ASIC2: variants seen among roughly 807,000 people sequenced by gnomAD.
The protein encoded by ASIC2 is acid-sensing ion channel 2.
ASIC2 carries 25 observed loss-of-function variants against 57.3 expected under a neutral mutation model. The ratio of observed to expected loss-of-function variants is 0.44; its 90% confidence interval spans 0.32 to 0.61. The LOEUF (loss-of-function observed/expected upper bound fraction) is 0.61. Among genes scored for constraint, ASIC2 ranks in the 20% least tolerant of loss-of-function variants. The pLI is 0.06. For missense variants in ASIC2, 641 were observed against 738.1 expected (o/e 0.87, Z 1.52); for synonymous variants, 319 against 307.5 (o/e 1.04, Z -0.39).
chr17:33,923,983 C>T (rs1426703501), intron 1 of ASIC2, among the ~76,000 whole-genome samples: 1 of 152,222 alleles, frequency 6.6e-6, no homozygotes. Context: ...GTTCAGATCT[C>T]AGCTTCACTG....
intron 1 of ASIC2, among the ~76,000 whole-genome samples, chr17:33,405,487 C>CTT (rs35049672): frequency 0.11 from 14,470 of 135,242 alleles, 934 homozygotes; most frequent in Non-Finnish European, 0.13. Context: ...TTTTTTCTTT[C>CTT]TTTTTTTTTT....
intron 1 of ASIC2, among the ~76,000 whole-genome samples, chr17:34,093,324 T>C (rs1166553708): frequency 1.3e-5 from 2 of 152,208 alleles, no homozygotes; most frequent in Non-Finnish European, 2.9e-5. Context: ...CAGTCTCTTG[T>C]TTCCCTGAAC....
intron 3 of ASIC2, among the ~76,000 whole-genome samples, chr17:33,057,701 G>A (rs1264529112): frequency 6.6e-6 from 1 of 152,218 alleles, no homozygotes; most frequent in Non-Finnish European, 1.5e-5. Context: ...GAAACCCCGT[G>A]GAATGGTTCT....
chr17:33,321,358 A>G (rs1346248230), intron 1 of ASIC2, among the ~76,000 whole-genome samples: 2 of 152,208 alleles, frequency 1.3e-5, no homozygotes, highest in Admixed American at 6.5e-5. Context: ...AAGTTCACCC[A>G]TTCATTTTTA....
At chr17:33,076,578 C>T (rs1400620496) in intron 3 of ASIC2, among the ~76,000 whole-genome samples, 2 of 152,212 alleles carry the variant, frequency 1.3e-5, no homozygotes, top group Admixed American at 1.3e-4. Context: ...ATGGTAGGCA[C>T]CACTCTAGAC....
At chr17:33,275,152 C>G (rs919974889) in intron 1 of ASIC2, among the ~76,000 whole-genome samples, 2 of 152,122 alleles carry the variant, frequency 1.3e-5, no homozygotes, top group Non-Finnish European at 2.9e-5. Context: ...TATTAGCAAG[C>G]CTGTCCCTGC....
intron 1 of ASIC2, among the ~76,000 whole-genome samples, chr17:34,149,508 A>C (rs1017490563): frequency 6.6e-6 from 1 of 152,196 alleles, no homozygotes; most frequent in Admixed American, 6.5e-5. Context: ...TATATCAACT[A>C]GACTTACTTA....
chr17:34,057,977 C>G (rs1361699407), intron 1 of ASIC2, among the ~76,000 whole-genome samples: 2 of 152,150 alleles, frequency 1.3e-5, no homozygotes, highest in African/African-American at 4.8e-5. Flanking sequence ...CATTTTGACA[C>G]CTACACCCAT....
chr17:33,232,066 T>C (rs1005207161), intron 1 of ASIC2, among the ~76,000 whole-genome samples: 1 of 152,226 alleles, frequency 6.6e-6, no homozygotes, highest in Admixed American at 6.5e-5. Flanking sequence ...CTCTTCCCCT[T>C]CAATTCATAT....
chr17:33,346,157 G>A (rs1350388861), intron 1 of ASIC2, among the ~76,000 whole-genome samples: 1 of 146,612 alleles, frequency 6.8e-6, no homozygotes, highest in Non-Finnish European at 1.5e-5. Context: ...AACCTGGGAG[G>A]CGGAGGTTGC....
intron 1 of ASIC2, among the ~76,000 whole-genome samples, chr17:33,124,550 A>G (rs1270495332): frequency 6.6e-6 from 1 of 152,206 alleles, no homozygotes; most frequent in Non-Finnish European, 1.5e-5. Context: ...CCAGAAGCAT[A>G]TGAGTGCTAC....
intron 1 of ASIC2, among the ~76,000 whole-genome samples, chr17:33,873,752 A>C (rs1308752003): frequency 6.6e-6 from 1 of 152,212 alleles, no homozygotes; most frequent in African/African-American, 2.4e-5. Flanking sequence ...TGCATAGTTC[A>C]TCCCACCCCC....
intron 1 of ASIC2, among the ~76,000 whole-genome samples, chr17:33,337,644 G>T (rs1189366917): frequency 6.6e-6 from 1 of 152,230 alleles, no homozygotes; most frequent in East Asian, 1.9e-4. Flanking sequence ...AGGCAAAGAG[G>T]GTGGAGATGT....
chr17:33,483,931 G>A (rs1913494988), intron 1 of ASIC2, among the ~76,000 whole-genome samples: 1 of 152,166 alleles, frequency 6.6e-6, no homozygotes. Flanking sequence ...TATCACAGGG[G>A]TCCTTGGAAG....
chr17:34,113,533 C>T (rs775012573), intron 1 of ASIC2, among the ~76,000 whole-genome samples: 4 of 151,298 alleles, frequency 2.6e-5, no homozygotes, highest in Non-Finnish European at 4.4e-5. Flanking sequence ...TGCACTACAG[C>T]CTATGGCAAC....
intron 3 of ASIC2, among the ~76,000 whole-genome samples, chr17:33,030,140 A>G (rs1226702421): frequency 1.3e-5 from 2 of 152,178 alleles, no homozygotes; most frequent in Non-Finnish European, 2.9e-5. Flanking sequence ...GATATAATTT[A>G]TATACAATAA....
intron 1 of ASIC2, chr17:34,079,235 C>G (rs186291910): frequency 1.3e-5 from 2 of 152,400 alleles, no homozygotes; most frequent in Admixed American, 6.5e-5. Context: ...GCATGGAATG[C>G]AGGCTCCATC....
chr17:33,765,750 G>A (rs371766708), intron 1 of ASIC2, among the ~76,000 whole-genome samples: 4 of 152,186 alleles, frequency 2.6e-5, no homozygotes, highest in Non-Finnish European at 5.9e-5. Context: ...TTTGACTGGT[G>A]CTATCATGAT....
intron 1 of ASIC2, among the ~76,000 whole-genome samples, chr17:33,873,539 A>T (rs1914476053): frequency 6.6e-6 from 1 of 152,196 alleles, no homozygotes; most frequent in African/African-American, 2.4e-5. Context: ...ATCACTTACT[A>T]CTGTGTGACC....
Sources: allele counts gnomAD v4.1 joint callset (sites outside exome capture counted in the v4.1 genomes callset), GRCh38; gene constraint gnomAD v4.1.1; transcripts MANE v1.5; gene names NCBI Gene and HGNC (gene_info 2026-07-23, HGNC 2026-07-21).